Variants in C11orf71 observed in about 807,000 individuals in gnomAD.
C11orf71 encodes uncharacterized protein C11orf71.
For missense variants in C11orf71, 179 were observed against 167.6 expected, an observed-to-expected ratio of 1.07 and a Z score of -0.38; for synonymous variants, 72 against 73.4, an observed-to-expected ratio of 0.98 and a Z score of 0.09.
downstream of C11orf71, among the ~76,000 whole-genome samples, chr11:114,397,531 T>C (rs1397732669): frequency 6.6e-6 from 1 of 152,184 alleles, no homozygotes; most frequent in Non-Finnish European, 1.5e-5. Flanking sequence ...AGGTTCTCTC[T>C]TGCCAAACAA....
chr11:114,394,199 T>TTTTC (rs1946098457), downstream of C11orf71, among the ~76,000 whole-genome samples: 11 of 46,862 alleles, frequency 2.3e-4, no homozygotes, highest in South Asian at 1.5e-3. Context: ...TTTTCTTTTC[T>TTTTC]TTTCTTTTCT....
rs750036277 is a variant in C11orf71, at chr11:114,400,136, G to A, written c.196C>T (p.Arg66Cys). The A allele has an allele frequency of 6.2e-7, 1 of 1,613,866 alleles. No individual in the cohort carries two copies. The highest frequency in any genetic ancestry group is 1.7e-5 in the Admixed American group (1 of 60,018). Reference protein sequence around the residue: ...AVRPSVRAESRRVDGGGRSPR... With the variant: ...AVRPSVRAESCRVDGGGRSPR... ...CTCCGGCCGCCACCATCCACTCGAC[G>A]GCTCTCGGCCCGAACGCTTGGTCGC... Residue 66 changes from arginine to cysteine, a missense_variant, in exon 1 of 1, where the codon CGT becomes TGT. Coordinates refer to ENST00000623205, the MANE Select transcript of C11orf71 (RefSeq NM_001271562.2).
Sources: gnomAD v4.1 joint callset for allele counts (sites outside exome capture counted in the v4.1 genomes callset) on GRCh38, gnomAD v4.1.1 for gene constraint, MANE v1.5 for transcripts, NCBI Gene and HGNC (gene_info 2026-07-23, HGNC 2026-07-21) for gene names.